AK8: variants seen among roughly 807,000 people sequenced by gnomAD.
AK8 encodes the protein adenylate kinase 8, also known as ATP-AMP transphosphorylase 8.
Under a neutral mutation model 54.6 loss-of-function variants are expected in AK8, and 44 were observed. That is an observed-to-expected ratio of 0.81 (90% CI 0.63 to 1.04). The LOEUF (loss-of-function observed/expected upper bound fraction) is 1.04. Among genes scored for constraint, AK8 ranks in the 50% least tolerant of loss-of-function variants. The pLI is 0.00. For missense variants in AK8, 555 were observed against 613.6 expected, an observed-to-expected ratio of 0.90 and a Z score of 1.01; for synonymous variants, 239 against 245.6, an observed-to-expected ratio of 0.97 and a Z score of 0.25.
chr9:132,858,563 CTGATCTGA>C (rs1280809216), intron 4 of AK8, among the ~76,000 whole-genome samples: 2 of 152,184 alleles, frequency 1.3e-5, no homozygotes, highest in Non-Finnish European at 2.9e-5. Context: ...GTGAGATGCC[CTGATCTGA>C]CCCCCACACC....
intron 5 of AK8, among the ~76,000 whole-genome samples, chr9:132,850,053 C>CT: frequency 7.6e-6 from 1 of 131,668 alleles, no homozygotes; most frequent in Non-Finnish European, 1.6e-5. Context: ...AACCCTAGTA[C>CT]ATTTTTTTTT....
chr9:132,784,598 G>A (rs1235276757), intron 11 of AK8, among the ~76,000 whole-genome samples: 2 of 152,180 alleles, frequency 1.3e-5, no homozygotes, highest in Non-Finnish European at 2.9e-5. Flanking sequence ...CTGGCAAGAT[G>A]TCAGAGGCTG....
chr9:132,856,458 A>G (rs1413243866), intron 4 of AK8, among the ~76,000 whole-genome samples: 1 of 151,708 alleles, frequency 6.6e-6, no homozygotes. Context: ...TTTTCCATAC[A>G]CTCCACTTAC....
chr9:132,878,097 G>C lies in AK8; in HGVS notation c.84+75C>G. On this transcript the variant is annotated intron_variant, in intron 1 of 12. Coordinates refer to ENST00000298545, the MANE Select transcript of AK8 (RefSeq NM_152572.3). This position sits in a 1 kb window ranked among gnomAD's most constrained non-coding sequence, Gnocchi z 4.7. The stretch of plus-strand genomic sequence containing the variant: ...CGACTCGGCCCCAGCTGCGGGTCCC[G>C]GCCGCGCACCCGACGTCGCAGTGGA... 2 of 1,539,906 alleles carry C rather than the reference G, an allele frequency of 1.3e-6. No homozygotes were observed. The highest frequency in any genetic ancestry group is 2.4e-5 in the East Asian group (1 of 41,030).
intron 11 of AK8, among the ~76,000 whole-genome samples, chr9:132,751,995 C>T (rs1837949559): frequency 6.6e-6 from 1 of 151,762 alleles, no homozygotes; most frequent in South Asian, 2.1e-4. Flanking sequence ...TGCAGCACCA[C>T]ACCTGACTAA....
intron 5 of AK8, among the ~76,000 whole-genome samples, chr9:132,843,716 T>G (rs1225939580): frequency 6.6e-6 from 1 of 152,154 alleles, no homozygotes; most frequent in Admixed American, 6.5e-5. Context: ...TGTTTCTCTA[T>G]GTTTAAAGTC....
intron 11 of AK8, among the ~76,000 whole-genome samples, chr9:132,739,580 T>C (rs1168093413): frequency 6.6e-6 from 1 of 151,880 alleles, no homozygotes; most frequent in East Asian, 1.9e-4. Flanking sequence ...CAGAGTTGTT[T>C]TTGTTTTGTT....
At position 132,878,038 on chromosome 9, in the gene AK8, C is replaced by G; in HGVS notation, c.84+134G>C. 1.3e-6 allele frequency: 2 copies of G among 1,537,750 alleles called. No individual in the cohort carries two copies. Among genetic ancestry groups the G allele is most frequent in the Non-Finnish European group, 1.8e-6 (2 of 1,137,858 alleles). On this transcript the variant is annotated intron_variant, in intron 1 of 12. Coordinates refer to ENST00000298545, the MANE Select transcript of AK8 (RefSeq NM_152572.3). The surrounding 1 kb of genome is among the most constrained non-coding windows in gnomAD (Gnocchi z 4.7). ...CTCGGGGTCACGGCGACACACGAAT[C>G]GTACATCCCGAGTTGGGCTGCTTCG...
intron 11 of AK8, among the ~76,000 whole-genome samples, chr9:132,740,276 C>T (rs1360978095): frequency 6.6e-6 from 1 of 152,252 alleles, no homozygotes; most frequent in African/African-American, 2.4e-5. Flanking sequence ...ATCCTCACAA[C>T]ACCCAAATGA....
rs1404756972 is a variant in AK8 at position 132,774,388 on chromosome 9, T to A, written c.1121+18246A>T. ...ATTTGTGGAAGACTTTTCTTAAAAG[T>A]TTTTTTATATATTAAATAATTTCTG... is the stretch of plus-strand genomic sequence containing the variant. On this transcript the variant is annotated intron_variant, in intron 11 of 12. Coordinates refer to ENST00000298545, the MANE Select transcript of AK8 (RefSeq NM_152572.3). Among the ~76,000 whole-genome samples the A allele has an allele frequency of 2.0e-5, 3 of 151,888 alleles. No individual in the cohort carries two copies. In the Admixed American group the frequency reaches 2.0e-4, roughly 10 times the overall value.
At position 132,814,621 on chromosome 9, in the gene AK8, G is replaced by A; in HGVS notation, c.979+17C>T. The A allele has an allele frequency of 6.2e-7, 1 of 1,612,010 alleles. No individual in the cohort carries two copies. The highest frequency in any genetic ancestry group is 8.5e-7 in the Non-Finnish European group (1 of 1,178,702). On this transcript the variant is annotated intron_variant, in intron 10 of 12. Transcript: ENST00000298545. ...GGAGCCTGTAAGGTCATGACAGTTA[G>A]TGGGAACGTGGCCTACCTGCCATCT...
At chr9:132,813,083 A>C (rs867602122) in intron 10 of AK8, among the ~76,000 whole-genome samples, 131 of 70,182 alleles carry the variant, frequency 1.9e-3, no homozygotes, top group East Asian at 4.5e-3. Flanking sequence ...CACTGCCCTG[A>C]GCCTACACAG....
rs753749738 is a variant in AK8, at chr9:132,878,027, G to T, written c.84+145C>A. 4 of 1,533,310 alleles carry T rather than the reference G, an allele frequency of 2.6e-6. No homozygotes were observed. The South Asian group carries it at 4.8e-5, about 18-fold the overall frequency. 95.0% of individuals were successfully genotyped at this position (1,533,310 alleles called of 1,614,324 possible). On this transcript the variant is annotated intron_variant, in intron 1 of 12. Transcript: ENST00000298545. This position sits in a 1 kb window ranked among gnomAD's most constrained non-coding sequence, Gnocchi z 4.7. The stretch of plus-strand genomic sequence containing the variant: ...TCGAGGGCCCCCTCGGGGTCACGGC[G>T]ACACACGAATCGTACATCCCGAGTT...
chr9:132,756,564 G>C (rs187032994), intron 11 of AK8, among the ~76,000 whole-genome samples: 12 of 152,298 alleles, frequency 7.9e-5, no homozygotes, highest in African/African-American at 2.9e-4. Flanking sequence ...GGGGAGAGGC[G>C]ATCAGCTGCC....
At chr9:132,832,355 G>A (rs1291797175) in intron 5 of AK8, among the ~76,000 whole-genome samples, 6 of 152,016 alleles carry the variant, frequency 3.9e-5, no homozygotes, top group African/African-American at 4.8e-5. Flanking sequence ...GCCAAGCGCC[G>A]GGCTGCAGCT....
intron 5 of AK8, among the ~76,000 whole-genome samples, chr9:132,835,161 C>A (rs758028119): frequency 2.6e-5 from 4 of 152,156 alleles, no homozygotes; most frequent in Non-Finnish European, 4.4e-5. Context: ...TGAGCCACTG[C>A]GCCCGGCTTC....
chr9:132,819,895 G>A (rs1841500375), intron 9 of AK8, among the ~76,000 whole-genome samples: 1 of 152,018 alleles, frequency 6.6e-6, no homozygotes, highest in Non-Finnish European at 1.5e-5. Context: ...ATTCTAAATA[G>A]TACACAAGTC....
At chr9:132,854,579 T>C (rs941310151) in intron 5 of AK8, among the ~76,000 whole-genome samples, 2 of 152,252 alleles carry the variant, frequency 1.3e-5, no homozygotes, top group African/African-American at 4.8e-5. Flanking sequence ...CCTCCCATGC[T>C]TCTGCGATTG....
chr9:132,739,825 C>A (rs1837285052), intron 11 of AK8, among the ~76,000 whole-genome samples: 1 of 152,226 alleles, frequency 6.6e-6, no homozygotes, highest in Non-Finnish European at 1.5e-5. Flanking sequence ...ACAGCCCTGC[C>A]TTCTATAAAC....
Sources: gnomAD v4.1 joint callset for allele counts (sites outside exome capture counted in the v4.1 genomes callset) on GRCh38, gnomAD v4.1.1 for gene constraint, Gnocchi (gnomAD v3.1) non-coding constraint, MANE v1.5 for transcripts, NCBI Gene and HGNC (gene_info 2026-07-23, HGNC 2026-07-21) for gene names.